PLPP4: variants seen among roughly 807,000 people sequenced by gnomAD.
The protein encoded by PLPP4 is diacylglycerol pyrophosphate like 2.
PLPP4 carries 20 observed loss-of-function variants against 32.2 expected under a neutral mutation model. The observed-to-expected ratio is 0.62, with a 90% confidence interval of 0.44 to 0.90. PLPP4 has a LOEUF of 0.90. Ranked by LOEUF, PLPP4 falls within the 40% of genes least tolerant of loss-of-function variation. The pLI, the probability that PLPP4 is intolerant of heterozygous loss-of-function variation, is 0.00. For missense variants in PLPP4, 257 were observed against 353.1 expected, an observed-to-expected ratio of 0.73 and a Z score of 2.18; for synonymous variants, 127 against 133.0, an observed-to-expected ratio of 0.95 and a Z score of 0.31.
intron 6 of PLPP4, among the ~76,000 whole-genome samples, chr10:120,583,578 T>C (rs996312250): frequency 4.6e-5 from 7 of 152,192 alleles, no homozygotes; most frequent in Admixed American, 6.5e-5. Flanking sequence ...GAAACCCTTA[T>C]CTCTCAGCAA....
At chr10:120,571,386 A>G (rs1201400421) in intron 5 of PLPP4, among the ~76,000 whole-genome samples, 2 of 152,018 alleles carry the variant, frequency 1.3e-5, no homozygotes, top group Non-Finnish European at 2.9e-5. Flanking sequence ...CTGTGCTTAA[A>G]GGGAGGATGG....
At chr10:120,508,198 G>A (rs1845585029) in intron 2 of PLPP4, among the ~76,000 whole-genome samples, 1 of 152,178 alleles carries the variant, frequency 6.6e-6, no homozygotes, top group Non-Finnish European at 1.5e-5. Flanking sequence ...GAAGAAGGAA[G>A]AAAAAGAGAC....
intron 6 of PLPP4, among the ~76,000 whole-genome samples, chr10:120,577,050 T>C (rs1175839238): frequency 6.6e-6 from 1 of 152,246 alleles, no homozygotes; most frequent in East Asian, 1.9e-4. Context: ...ATAGATTGAA[T>C]GAAATAATGG....
chr10:120,483,056 T>C (rs1844283882), intron 1 of PLPP4, among the ~76,000 whole-genome samples: 3 of 152,200 alleles, frequency 2.0e-5, no homozygotes, highest in Non-Finnish European at 4.4e-5. Flanking sequence ...CAGAAGAAAG[T>C]GGAAGGACTT....
chr10:120,586,170 T>C (rs1240961212), intron 6 of PLPP4, among the ~76,000 whole-genome samples: 2 of 151,444 alleles, frequency 1.3e-5, no homozygotes, highest in African/African-American at 4.9e-5. Context: ...AGACTTGCTC[T>C]GTTGCCTGGG....
intron 5 of PLPP4, among the ~76,000 whole-genome samples, chr10:120,552,576 A>G (rs1332492000): frequency 6.6e-6 from 1 of 152,236 alleles, no homozygotes; most frequent in Non-Finnish European, 1.5e-5. Context: ...TGTGTTTCAC[A>G]TGCACATACT....
Position 120,539,999 on chromosome 10 carries a change from T to TG in PLPP4, c.445+18904_445+18905insG, listed in dbSNP as rs1554891154. Reference sequence around the variant, plus strand: ...GATCCCAAGGTGATTAGTAAACTTGTAAAAAAAAAAAAAAAGGCTCAATTT... The same window carrying TG: ...GATCCCAAGGTGATTAGTAAACTTGTGAAAAAAAAAAAAAAAGGCTCAATTT... On this transcript the variant is annotated intron_variant, in intron 5 of 6. Transcript: ENST00000398250. Among the ~76,000 whole-genome samples the TG allele has an allele frequency of 4.9e-5, 7 of 143,044 alleles. No homozygotes were observed. The South Asian group carries it at 1.6e-3, about 32-fold the overall frequency. The allele number at this position is 143,044 out of a possible 152,430, so 93.8% of individuals were successfully genotyped here. A position where few individuals can be genotyped will look rare whatever the true frequency, so the allele number is the denominator to read the frequency against.
chr10:120,491,912 A>T (rs928821280), intron 1 of PLPP4, among the ~76,000 whole-genome samples: 1 of 152,246 alleles, frequency 6.6e-6, no homozygotes, highest in Admixed American at 6.5e-5. Flanking sequence ...GTAATACCTG[A>T]TGAAATTAAT....
chr10:120,580,642 TACAC>T (rs59076083), intron 6 of PLPP4, among the ~76,000 whole-genome samples: 43 of 95,748 alleles, frequency 4.5e-4, no homozygotes, highest in South Asian at 1.8e-3. Context: ...CTCTGTCTCT[TACAC>T]ACACACACAC....
rs1434217801 is a variant in PLPP4 at position 120,590,497 on chromosome 10, T to C, written c.*995T>C. Among the ~76,000 whole-genome samples, 4 of 152,212 alleles carry C rather than the reference T, an allele frequency of 2.6e-5. No individual in the cohort carries two copies. Among genetic ancestry groups the C allele is most frequent in the Non-Finnish European group, 5.9e-5 (4 of 68,050 alleles). ...TCCTGTTCCTATCTAGCTGGCAATA[T>C]TTCAGCATGATAGGACTCTGGTAGA... On this transcript the variant is annotated 3_prime_UTR_variant, in exon 7 of 7. Coordinates refer to ENST00000398250, the MANE Select transcript of PLPP4 (RefSeq NM_001030059.3).
chr10:120,538,052 C>CTGTGTGTG (rs972974599), intron 5 of PLPP4, among the ~76,000 whole-genome samples: 1,946 of 18,928 alleles, frequency 0.1, 358 homozygotes, highest in Non-Finnish European at 0.12. Context: ...CTCTCTCTCT[C>CTGTGTGTG]TGTGTGTGTG....
At chr10:120,586,945 A>C (rs1388696864) in intron 6 of PLPP4, among the ~76,000 whole-genome samples, 1 of 152,180 alleles carries the variant, frequency 6.6e-6, no homozygotes, top group African/African-American at 2.4e-5. Flanking sequence ...CAGAAATATG[A>C]ATAGAAATGA....
At chr10:120,502,877 T>C (rs528871968) in intron 1 of PLPP4, among the ~76,000 whole-genome samples, 1 of 152,194 alleles carries the variant, frequency 6.6e-6, no homozygotes, top group Non-Finnish European at 1.5e-5. Context: ...AGCTTTCTCC[T>C]CCTCTCCCGC....
At chr10:120,472,754 A>T (rs1345848176) in intron 1 of PLPP4, among the ~76,000 whole-genome samples, 1 of 151,902 alleles carries the variant, frequency 6.6e-6, no homozygotes, top group Non-Finnish European at 1.5e-5. Context: ...TGTCCTACAG[A>T]TCTTGGATGC....
chr10:120,543,075 G>T (rs1332924167), intron 5 of PLPP4, among the ~76,000 whole-genome samples: 1 of 152,142 alleles, frequency 6.6e-6, no homozygotes, highest in Non-Finnish European at 1.5e-5. Context: ...TGGGTGGCAG[G>T]ACTGGGCCAC....
chr10:120,569,413 G>A (rs1000170474), intron 5 of PLPP4, among the ~76,000 whole-genome samples: 10 of 152,156 alleles, frequency 6.6e-5, no homozygotes, highest in African/African-American at 2.4e-4. Context: ...TTGAGCCTGA[G>A]TTGATTCTTT....
At chr10:120,493,822 T>C (rs1409974560) in intron 1 of PLPP4, among the ~76,000 whole-genome samples, 1 of 152,078 alleles carries the variant, frequency 6.6e-6, no homozygotes, top group Admixed American at 6.5e-5. Context: ...GGCAGCTTAC[T>C]CCCCACATAT....
At chr10:120,530,072 C>A (rs1210566787) in intron 5 of PLPP4, among the ~76,000 whole-genome samples, 1 of 152,200 alleles carries the variant, frequency 6.6e-6, no homozygotes, top group Non-Finnish European at 1.5e-5. Context: ...GCATTCTGCC[C>A]TTCTTGTATC....
chr10:120,544,379 TGTA>T (rs1847512198), intron 5 of PLPP4, among the ~76,000 whole-genome samples: 1 of 152,210 alleles, frequency 6.6e-6, no homozygotes, highest in Admixed American at 6.5e-5. Context: ...AAAATGAAGA[TGTA>T]GTAACTGAGT....
Sources: allele counts gnomAD v4.1 joint callset (sites outside exome capture counted in the v4.1 genomes callset), GRCh38; gene constraint gnomAD v4.1.1; transcripts MANE v1.5; gene names NCBI Gene and HGNC (gene_info 2026-07-23, HGNC 2026-07-21).